Variants in TANGO6 observed in about 807,000 individuals in gnomAD.
TANGO6 encodes the protein transport and Golgi organization protein 6 homolog.
In TANGO6, 90 loss-of-function variants were observed where a neutral mutation model predicts 114.2. That is an observed-to-expected ratio of 0.79 (90% CI 0.66 to 0.94). The LOEUF is 0.94. Ranked by LOEUF, TANGO6 falls within the 40% of genes least tolerant of loss-of-function variation. The probability of loss-of-function intolerance (pLI) is 0.00; values close to 1 mark genes in which losing one functional copy is unlikely to be tolerated. For synonymous variants in TANGO6, 477 were observed against 509.8 expected (o/e 0.94, Z 0.87); for missense variants, 1,274 against 1,315.3 (o/e 0.97, Z 0.49).
intron 10 of TANGO6, among the ~76,000 whole-genome samples, chr16:68,908,102 A>G (rs1054199052): frequency 1.6e-4 from 25 of 152,026 alleles, no homozygotes; most frequent in African/African-American, 5.3e-4. Context: ...TGTACCCCAT[A>G]ATGTTACTCC....
intron 7 of TANGO6, among the ~76,000 whole-genome samples, chr16:68,886,836 C>G (rs1484992016): frequency 6.7e-6 from 1 of 148,638 alleles, no homozygotes; most frequent in Non-Finnish European, 1.5e-5. Context: ...GAGATTGAGT[C>G]TCACTCTGTC....
rs55823022 is a variant in TANGO6 at position 68,869,287 on chromosome 16, G to A, written c.994+2067G>A. On this transcript the variant is annotated intron_variant, in intron 4 of 17. Coordinates refer to ENST00000261778, the MANE Select transcript of TANGO6 (RefSeq NM_024562.2). ...TAGTTTGAGCTCAGGAGACCAGCCT[G>A]GGCAACATGGGGAAACCCCATCTCT... 5.3e-3 allele frequency among the ~76,000 whole-genome samples: 805 copies of A among 152,308 alleles called. 9 individuals carry two copies. Among genetic ancestry groups the A allele is most frequent in the Non-Finnish European group, 9.6e-3 (653 of 68,032 alleles).
At chr16:68,967,685 T>A (rs138507229) in intron 14 of TANGO6, among the ~76,000 whole-genome samples, 2 of 152,322 alleles carry the variant, frequency 1.3e-5, no homozygotes, top group East Asian at 3.9e-4. Flanking sequence ...TTGGCAGAAA[T>A]ATCTGTGAGT....
At chr16:68,932,040 T>G (rs557143387) in intron 14 of TANGO6, among the ~76,000 whole-genome samples, 1 of 151,812 alleles carries the variant, frequency 6.6e-6, no homozygotes, top group East Asian at 1.9e-4. Flanking sequence ...GTGAGTTGTA[T>G]GGTATGTGAG....
chr16:68,852,789 A>T (rs1961926957), intron 1 of TANGO6, among the ~76,000 whole-genome samples: 1 of 152,176 alleles, frequency 6.6e-6, no homozygotes, highest in African/African-American at 2.4e-5. Context: ...TTGTGATTGC[A>T]TCACTGCACC....
intron 1 of TANGO6, among the ~76,000 whole-genome samples, chr16:68,851,632 G>A (rs1352619514): frequency 6.6e-6 from 1 of 152,136 alleles, no homozygotes; most frequent in African/African-American, 2.4e-5. Flanking sequence ...GAATAGTCTT[G>A]TAAATACGTA....
chr16:68,875,735 C>T (rs1962344730), intron 5 of TANGO6, among the ~76,000 whole-genome samples: 2 of 151,326 alleles, frequency 1.3e-5, no homozygotes, highest in Admixed American at 6.6e-5. Flanking sequence ...AGCCATTACA[C>T]TCCAGCCTGG....
rs1226491112 is a variant in TANGO6 at position 69,062,786 on chromosome 16, T to TAA, written c.3109-20699_3109-20698insAA. Among the ~76,000 whole-genome samples, 19 of 104,190 alleles carry TAA rather than the reference T, an allele frequency of 1.8e-4. 1 individual carries two copies. Among genetic ancestry groups the TAA allele is most frequent in the African/African-American group, 5.2e-4 (16 of 30,512 alleles). The allele number at this position is 104,190 out of a possible 152,430, so 68.4% of individuals were successfully genotyped here. ...CCGCACCCGGCCCATAAAAAGAAATTTAAAAAAAAAAAAAAAAAAAAAGAA... is the reference window on the plus strand; with the variant it reads ...CCGCACCCGGCCCATAAAAAGAAATTAATAAAAAAAAAAAAAAAAAAAAAGAA... On this transcript the variant is annotated intron_variant, in intron 17 of 17. Transcript: ENST00000261778.
intron 14 of TANGO6, among the ~76,000 whole-genome samples, chr16:68,969,502 A>G (rs1963681922): frequency 6.6e-6 from 1 of 152,024 alleles, no homozygotes. Flanking sequence ...CCTAGAAGGT[A>G]AAACTCAAAC....
At chr16:68,979,576 A>G (rs1396097388) in intron 15 of TANGO6, among the ~76,000 whole-genome samples, 5 of 152,128 alleles carry the variant, frequency 3.3e-5, no homozygotes, top group Non-Finnish European at 7.4e-5. Flanking sequence ...CTTCCAGAGA[A>G]GTTGTGCCAG....
At chr16:69,048,405 A>G (rs1959896425) in intron 17 of TANGO6, among the ~76,000 whole-genome samples, 1 of 151,406 alleles carries the variant, frequency 6.6e-6, no homozygotes, top group African/African-American at 2.4e-5. Context: ...CCCTGCCAGG[A>G]TTAATTTTTT....
At chr16:68,858,981 T>A (rs1331686757) in intron 1 of TANGO6, among the ~76,000 whole-genome samples, 1 of 152,224 alleles carries the variant, frequency 6.6e-6, no homozygotes, top group East Asian at 1.9e-4. Flanking sequence ...TTGTTGTTAA[T>A]ACTTTCTGTC....
intron 16 of TANGO6, among the ~76,000 whole-genome samples, chr16:69,027,255 G>A (rs1406552452): frequency 2.0e-5 from 3 of 152,100 alleles, no homozygotes; most frequent in African/African-American, 7.2e-5. Context: ...TGAATTTATG[G>A]TATTTCCTGA....
chr16:69,054,750 G>A (rs536488689), intron 17 of TANGO6, among the ~76,000 whole-genome samples: 17 of 150,258 alleles, frequency 1.1e-4, no homozygotes, highest in Admixed American at 6.1e-4. Flanking sequence ...TGGCTAACAC[G>A]GTGAAACACC....
intron 15 of TANGO6, among the ~76,000 whole-genome samples, chr16:69,001,260 C>T (rs947005968): frequency 3.3e-5 from 5 of 152,080 alleles, no homozygotes; most frequent in Admixed American, 6.6e-5. Flanking sequence ...ATGGCTCTAA[C>T]GCAGGTAAGT....
At chr16:68,898,921 T>A (rs1004283251) in intron 7 of TANGO6, among the ~76,000 whole-genome samples, 1 of 150,936 alleles carries the variant, frequency 6.6e-6, no homozygotes, top group African/African-American at 2.4e-5. Flanking sequence ...TTTTTGTACT[T>A]CTTAAGATAC....
intron 12 of TANGO6, 71 bp downstream of exon 12, chr16:68,919,290 A>T: frequency 6.5e-7 from 1 of 1,549,844 alleles, no homozygotes; most frequent in African/African-American, 1.4e-5. Flanking sequence ...TTTTCCTTCC[A>T]TATCCTTGTG....
intron 7 of TANGO6, among the ~76,000 whole-genome samples, chr16:68,884,603 T>C (rs962737652): frequency 3.9e-5 from 6 of 152,186 alleles, no homozygotes; most frequent in Admixed American, 3.3e-4. Flanking sequence ...TTTGGAATGT[T>C]GGAAAGACTT....
chr16:68,891,117 C>A (rs1962608755), intron 7 of TANGO6, among the ~76,000 whole-genome samples: 1 of 151,082 alleles, frequency 6.6e-6, no homozygotes, highest in Non-Finnish European at 1.5e-5. Context: ...CGTGGTGAAA[C>A]CCCATCTCTA....
Sources: allele counts gnomAD v4.1 joint callset (sites outside exome capture counted in the v4.1 genomes callset), GRCh38; gene constraint gnomAD v4.1.1; transcripts MANE v1.5; gene names NCBI Gene and HGNC (gene_info 2026-07-23, HGNC 2026-07-21).